The following PROC variants were observed in gnomAD, a reference collection of about 807,000 sequenced individuals.
PROC encodes the protein vitamin K-dependent protein C.
PROC carries 22 observed loss-of-function variants against 36.3 expected under a neutral mutation model. The ratio of observed to expected loss-of-function variants is 0.61; its 90% CI spans 0.43 to 0.86. The LOEUF is 0.86. Among genes scored for constraint, PROC ranks in the 40% least tolerant of loss-of-function variants. The pLI, the probability that PROC is intolerant of heterozygous loss-of-function variation, is 0.00. For synonymous variants in PROC, 218 were observed against 244.5 expected, an observed-to-expected ratio of 0.89 and a Z score of 1.01; for missense variants, 526 against 629.7, an observed-to-expected ratio of 0.84 and a Z score of 1.76.
In PROC at chr2:127,428,691, G is replaced by C. The variant is rs780833999; in HGVS notation, c.1131G>C (p.Met377Ile). 1 of 1,613,886 alleles carries C rather than the reference G, an allele frequency of 6.2e-7. No homozygotes were observed. Among genetic ancestry groups the C allele is most frequent in the Non-Finnish European group, 8.5e-7 (1 of 1,180,044 alleles). ...VVPHNECSEVMSNMVSENMLC... is the reference protein window; with the variant it reads ...VVPHNECSEVISNMVSENMLC... ...CGCACAATGAGTGCAGCGAGGTCAT[G>C]AGCAACATGGTGTCTGAGAACATGC... Residue 377 changes from methionine (M) to isoleucine (I), a missense_variant, in exon 9 of 9, where the codon ATG becomes ATC. Physicochemically the swap from Met to Ile is conservative, Grantham distance 10. Coordinates refer to ENST00000234071, the MANE Select transcript of PROC (RefSeq NM_000312.4).
chr2:127,418,454 C>T lies in PROC; in HGVS notation c.-60C>T. On this transcript the variant is annotated 5_prime_UTR_variant, in exon 1 of 9. Transcript: ENST00000234071. The surrounding 1 kb of genome is among the most constrained non-coding windows in gnomAD (Gnocchi z 4.8). ...CTCGAACTCCAGGCTGTCATGGCGG[C>T]AGGACGGCGAACTTGCAGTATCTCC... 7.8e-7 allele frequency: 1 copy of T among 1,289,822 alleles called. No individual in the cohort carries two copies. The highest frequency in any genetic ancestry group is 1.2e-5 in the South Asian group (1 of 81,030). The allele number at this position is 1,289,822 out of a possible 1,614,324, so 79.9% of individuals were successfully genotyped here.
At chr2:127,420,790 G>A (rs775294469) in intron 2 of PROC, among the ~76,000 whole-genome samples, 1 of 152,154 alleles carries the variant, frequency 6.6e-6, no homozygotes, top group African/African-American at 2.4e-5. Flanking sequence ...GGAATACTTG[G>A]TTGGGGGAGG....
chr2:127,427,497 C>T (rs1688591234), intron 8 of PROC, among the ~76,000 whole-genome samples: 1 of 151,678 alleles, frequency 6.6e-6, no homozygotes, highest in South Asian at 2.1e-4. Context: ...CACAGACCTT[C>T]ACCTCTCCAC....
chr2:127,423,169 G>T lies in PROC; in HGVS notation c.398G>T (p.Arg133Leu). The T allele has an allele frequency of 6.3e-7, 1 of 1,579,396 alleles. No homozygotes were observed. The highest frequency in any genetic ancestry group is 8.6e-7 in the Non-Finnish European group (1 of 1,162,472). Residue 133 changes from arginine to leucine, a missense_variant and splice_region_variant, in exon 5 of 9, where the codon CGC becomes CTC. Transcript: ENST00000234071. ...GGCTGGGAGGGCCGCTTCTGCCAGC[G>T]CGGTGAGGGGGAGAGGTGGATGCTG... Reference protein sequence around the residue: ...RSGWEGRFCQREVSFLNCSLD... With the variant: ...RSGWEGRFCQLEVSFLNCSLD...
chr2:127,428,224 A>C, intron 8 of PROC, 133 bp from the exon 9 acceptor site: 1 of 859,942 alleles, frequency 1.2e-6, no homozygotes, highest in South Asian at 1.5e-5. Context: ...GTGTGGGTGC[A>C]CAGTCTCCGG....
intron 3 of PROC, 113 bp from the exon 4 acceptor site, chr2:127,422,804 T>C (rs1335178234): frequency 7.0e-7 from 1 of 1,421,120 alleles, no homozygotes; most frequent in Non-Finnish European, 9.6e-7. Context: ...CGATCCCTGT[T>C]TGTCTGGAAG....
intron 6 of PROC, among the ~76,000 whole-genome samples, chr2:127,424,941 G>A (rs543478095): frequency 1.3e-5 from 2 of 152,318 alleles, no homozygotes; most frequent in Non-Finnish European, 1.5e-5. Flanking sequence ...GGTGGGGCAG[G>A]GGAGCTGGTG....
Position 127,421,275 on chromosome 2 carries a change from A to C in PROC, c.71-8A>C, listed in dbSNP as rs1348287404. 1 of 1,613,170 alleles carries C rather than the reference A, an allele frequency of 6.2e-7. No individual in the cohort carries two copies. Among genetic ancestry groups the C allele is most frequent in the South Asian group, 1.1e-5 (1 of 91,052 alleles). On this transcript the variant is annotated splice_region_variant and splice_polypyrimidine_tract_variant and intron_variant, in intron 2 of 8. Transcript: ENST00000234071. ...ACCAAGGTGAGCTCCCCCTCCCTCC[A>C]AAACCAGACTCAGTGTTCTCCAGCA...
In PROC at chr2:127,428,659, G is replaced by A. The variant is rs140582220; in HGVS notation, c.1099G>A (p.Val367Met). Residue 367 changes from valine (V) to methionine (M), a missense_variant, in exon 9 of 9, where the codon GTG (valine) becomes ATG (methionine). Coordinates refer to ENST00000234071, the MANE Select transcript of PROC (RefSeq NM_000312.4). ...TFVLNFIKIP[V>M]VPHNECSEVM... ...CGTCCTCAACTTCATCAAGATTCCC[G>A]TGGTCCCGCACAATGAGTGCAGCGA... The A allele has an allele frequency of 4.3e-6, 7 of 1,613,894 alleles. No individual in the cohort carries two copies. Among genetic ancestry groups the A allele is most frequent in the African/African-American group, 1.3e-5 (1 of 74,954 alleles).
At chr2:127,421,142 C>A in intron 2 of PROC, 141 bp from the exon 3 acceptor site, 1 of 848,720 alleles carries the variant, frequency 1.2e-6, no homozygotes, top group African/African-American at 1.7e-5. Context: ...CAAGCCATGA[C>A]CTAGAATTAG....
At position 127,426,913 on chromosome 2, in the gene PROC, G is replaced by A. The variant is rs977052317; in HGVS notation, c.679-192G>A. On this transcript the variant is annotated intron_variant, in intron 7 of 8. Transcript: ENST00000234071. This position sits in a 1 kb window ranked among gnomAD's most constrained non-coding sequence, Gnocchi z 7.0. ...AGTATGAACAGTGCAGGAACAGCAT[G>A]GGCAAAGGCAGGAAGACACCCTGGG... 1.3e-5 allele frequency among the ~76,000 whole-genome samples: 2 copies of A among 152,214 alleles called. No homozygotes were observed. The highest frequency in any genetic ancestry group is 2.4e-5 in the African/African-American group (1 of 41,452).
chr2:127,420,079 C>G, intron 2 of PROC, 67 bp downstream of exon 2: 1 of 1,522,416 alleles, frequency 6.6e-7, no homozygotes. Context: ...GGCATCTGCC[C>G]AGGCCTTCAC....
At chr2:127,427,008 C>A in intron 7 of PROC, 97 bp from the exon 8 acceptor site, 1 of 1,056,694 alleles carries the variant, frequency 9.5e-7, no homozygotes, top group Non-Finnish European at 1.5e-6. Flanking sequence ...GCCCATATGA[C>A]CAGGGAACCC....
rs1216474909 is a variant in PROC at position 127,428,926 on chromosome 2, C to G, written c.1366C>G (p.Gln456Glu). 5.0e-6 allele frequency: 8 copies of G among 1,613,852 alleles called. No individual in the cohort carries two copies. In the Admixed American group the frequency reaches 1.2e-4, roughly 24 times the overall value. The change falls in exon 9 of 9, where the codon CAG (glutamine) becomes GAG (glutamate). Residue 456 changes from glutamine to glutamate, a missense_variant. Coordinates refer to ENST00000234071, the MANE Select transcript of PROC (RefSeq NM_000312.4). The stretch of plus-strand genomic sequence containing the variant: ...GCACATCAGAGACAAGGAAGCCCCC[C>G]AGAAGAGCTGGGCACCTTAGCGACC... ...HGHIRDKEAP[Q>E]KSWAP is the part of the protein sequence containing the mutation.
At chr2:127,419,891 G>T in intron 1 of PROC, 31 bp from the exon 2 acceptor site, 1 of 1,613,630 alleles carries the variant, frequency 6.2e-7, no homozygotes, top group South Asian at 1.1e-5. Context: ...GCGGGGGTAG[G>T]CACTGCCCGG....
Position 127,428,226 on chromosome 2 carries a change from A to G in PROC, c.797-131A>G, listed in dbSNP as rs1688650933. The G allele has an allele frequency of 4.4e-5, 38 of 867,254 alleles. 1 individual carries two copies. The Middle Eastern group carries it at 9.9e-4, about 23-fold the overall frequency. The allele number at this position is 867,254 out of a possible 1,614,324, so 53.7% of individuals were successfully genotyped here. Reference sequence around the variant, plus strand: ...CAGTGCCTGGGACGTGTGGGTGCACAGTCTCCGGGTGAACCTTCTTCAGGC... The same window carrying G: ...CAGTGCCTGGGACGTGTGGGTGCACGGTCTCCGGGTGAACCTTCTTCAGGC... On this transcript the variant is annotated intron_variant, in intron 8 of 8. Transcript: ENST00000234071.
chr2:127,426,292 A>C lies in PROC; in HGVS notation c.678+65A>C. On this transcript the variant is annotated intron_variant, in intron 7 of 8. Transcript: ENST00000234071. This position sits in a 1 kb window ranked among gnomAD's most constrained non-coding sequence, Gnocchi z 7.0. ...CCGGGATCACTGAGTCCATCCTGGC[A>C]GCTATGCTCAGGGTGCAGAAACCGA... is the stretch of plus-strand genomic sequence containing the variant. The C allele has an allele frequency of 1.2e-6, 2 of 1,606,684 alleles. No individual in the cohort carries two copies. The highest frequency in any genetic ancestry group is 1.7e-6 in the Non-Finnish European group (2 of 1,174,194).
rs199469470 is a variant in PROC, at chr2:127,426,090, T to C, written c.541T>C (p.Phe181Leu). ...ACCACCTCTGCCTACCTCAGTGAAG[T>C]TCCCTTGTGGGAGGCCCTGGAAGCG... Reference protein sequence around the residue: ...DLLQCHPAVKFPCGRPWKRME... With the variant: ...DLLQCHPAVKLPCGRPWKRME... Residue 181 changes from phenylalanine (F) to leucine (L), a missense_variant, in exon 7 of 9, where the codon TTC becomes CTC. Coordinates refer to ENST00000234071, the MANE Select transcript of PROC (RefSeq NM_000312.4). The surrounding 1 kb of genome is among the most constrained non-coding windows in gnomAD (Gnocchi z 7.0). 60 of 1,613,916 alleles carry C rather than the reference T, an allele frequency of 3.7e-5. No individual in the cohort carries two copies. Among genetic ancestry groups the C allele is most frequent in the Non-Finnish European group, 5.1e-5 (60 of 1,180,012 alleles).
intron 1 of PROC, 134 bp from the exon 2 acceptor site, chr2:127,419,788 A>G (rs1381786709): frequency 9.1e-6 from 14 of 1,536,724 alleles, no homozygotes; most frequent in Admixed American, 7.8e-5. Context: ...TCTAGCGAAC[A>G]AGGACCCTCA....
Sources: allele counts gnomAD v4.1 joint callset (sites outside exome capture counted in the v4.1 genomes callset), GRCh38; gene constraint gnomAD v4.1.1; non-coding constraint Gnocchi (gnomAD v3.1); transcripts MANE v1.5; gene names NCBI Gene and HGNC (gene_info 2026-07-23, HGNC 2026-07-21).